The following POTEF variants were observed in gnomAD, a reference collection of about 807,000 sequenced individuals.
POTEF encodes the protein ANKRD26-like family C member 1B.
Under a neutral mutation model 83.2 loss-of-function variants are expected in POTEF, and 20 were observed. The ratio of observed to expected loss-of-function variants is 0.24; its 90% CI spans 0.17 to 0.35. The LOEUF (loss-of-function observed/expected upper bound fraction) is 0.35, where lower values mean the gene tolerates loss of function less well. Ranked by LOEUF, POTEF falls within the 10% of genes least tolerant of loss-of-function variation. POTEF has a pLI of 1.00. For missense variants in POTEF, 550 were observed against 1,203.2 expected (o/e 0.46, Z 8.03); for synonymous variants, 196 against 446.4 (o/e 0.44, Z 7.07).
rs560000983 is a variant in POTEF at position 130,103,252 on chromosome 2, AC to A, written c.1127-1073del. On this transcript the variant is annotated intron_variant, in intron 8 of 16. Coordinates refer to ENST00000409914, the MANE Select transcript of POTEF (RefSeq NM_001099771.2). ...GGAGAAGCTGGGATTACAGGCATGT[AC>A]CATCATGCCCAGCTAATTTTCGTGT... Among the ~76,000 whole-genome samples, 7 of 149,726 alleles carry A rather than the reference AC, an allele frequency of 4.7e-5. No individual in the cohort carries two copies. In the South Asian group the frequency reaches 1.3e-3, roughly 27 times the overall value.
At chr2:130,105,707 C>A (rs1684506228) in intron 8 of POTEF, among the ~76,000 whole-genome samples, 1 of 148,098 alleles carries the variant, frequency 6.8e-6, no homozygotes, top group Non-Finnish European at 1.5e-5. Context: ...AGCTTGCTAA[C>A]CCGTTTTACA....
In POTEF at chr2:130,075,562, C is replaced by T; in HGVS notation, c.1910G>A (p.Ser637Asn). Reference protein sequence around the residue: ...VEKMNSELSLSCKKEKDILHE... With the variant: ...VEKMNSELSLNCKKEKDILHE... ...CAAGATGTCTTTTTCTTTCTTACAA[C>T]TAAGAGAAAGCTAAGTAAACAAAGA... is the stretch of plus-strand genomic sequence containing the variant. Residue 637 changes from serine to asparagine, a missense_variant, in exon 17 of 17, where the codon AGT becomes AAT. Transcript: ENST00000409914. 1 of 1,609,902 alleles carries T rather than the reference C, an allele frequency of 6.2e-7. No homozygotes were observed. Among genetic ancestry groups the T allele is most frequent in the South Asian group, 1.1e-5 (1 of 90,752 alleles).
chr2:130,077,373 A>C (rs1292651939), intron 15 of POTEF, among the ~76,000 whole-genome samples, 172 bp from the exon 16 acceptor site: 4 of 152,246 alleles, frequency 2.6e-5, no homozygotes, highest in Non-Finnish European at 5.9e-5. Context: ...TGCTGGCACC[A>C]GGGACTGCTT....
Position 130,075,546 on chromosome 2 carries a change from T to C in POTEF, c.1926A>G (p.Lys642=), listed in dbSNP as rs746187882. Residue 642 remains lysine, a synonymous_variant, in exon 17 of 17, where the codon AAA becomes AAG. Transcript: ENST00000409914. The part of the protein sequence containing the change: ...SELSLSCKKE[K]DILHENSTLR... ...ACGTACTATTTTCATGCAAGATGTC[T>C]TTTTCTTTCTTACAACTAAGAGAAA... 14 of 1,610,578 alleles carry C rather than the reference T, an allele frequency of 8.7e-6. No homozygotes were observed. The East Asian group carries it at 1.8e-4, about 21-fold the overall frequency.
chr2:130,103,211 T>C (rs1684421943), intron 8 of POTEF, among the ~76,000 whole-genome samples: 5 of 148,734 alleles, frequency 3.4e-5, no homozygotes, highest in Admixed American at 3.3e-4. Flanking sequence ...CAAGCGATTC[T>C]CCTGTCTCAG....
chr2:130,074,984 G>A lies in POTEF; in HGVS notation c.2488C>T (p.Pro830Ser), dbSNP rs753030408. The A allele has an allele frequency of 8.1e-6, 13 of 1,612,872 alleles. No homozygotes were observed. The Admixed American group carries it at 2.2e-4, about 27-fold the overall frequency. The change falls in exon 17 of 17, where the codon CCA (proline) becomes TCA (serine). Residue 830 changes from proline to serine, a missense_variant. Coordinates refer to ENST00000409914, the MANE Select transcript of POTEF (RefSeq NM_001099771.2). ...GCCTGGATGGCCACGTACATGGCTG[G>A]GGTGTTGAAGGTCTCAAACATGATC... ...TQIMFETFNT[P>S]AMYVAIQAVL...
rs1683744906 is a variant in POTEF, at chr2:130,075,052, T to G, written c.2420A>C (p.Glu807Ala). 6.2e-7 allele frequency: 1 copy of G among 1,613,674 alleles called. No homozygotes were observed. The highest frequency in any genetic ancestry group is 1.7e-5 in the Admixed American group (1 of 59,954). The change falls in exon 17 of 17, where the codon GAG (glutamate) becomes GCG (alanine). Residue 807 changes from glutamate (E) to alanine (A), a missense_variant. Glu to Ala is a moderately radical substitution (Grantham distance 107, BLOSUM62 -1). Transcript: ENST00000409914. ...GTTGGCCTTAGGGTTCAGGGTGGCC[T>G]CGGTCAGCAGGACGGGGTGCTCCTC... Reference protein sequence around the residue: ...APEEHPVLLTEATLNPKANRE... With the variant: ...APEEHPVLLTAATLNPKANRE...
chr2:130,077,386 G>C lies in POTEF; in HGVS notation c.1779-185C>G, dbSNP rs1245179279. Among the ~76,000 whole-genome samples the C allele has an allele frequency of 5.3e-5, 8 of 152,256 alleles. No individual in the cohort carries two copies. In the East Asian group the frequency reaches 7.7e-4, roughly 15 times the overall value. The stretch of plus-strand genomic sequence containing the variant: ...CATGCTGGCACCAGGGACTGCTTTT[G>C]TGGAAGATAATTTTTCCAGGAACCT... On this transcript the variant is annotated intron_variant, in intron 15 of 16. Coordinates refer to ENST00000409914, the MANE Select transcript of POTEF (RefSeq NM_001099771.2).
chr2:130,107,244 G>C (rs1214748383), intron 8 of POTEF, among the ~76,000 whole-genome samples: 2 of 149,672 alleles, frequency 1.3e-5, no homozygotes, highest in Admixed American at 6.6e-5. Context: ...TTACTGTTAT[G>C]ATGACAATTA....
At chr2:130,087,650 T>C (rs1684041465) in intron 13 of POTEF, among the ~76,000 whole-genome samples, 1 of 136,678 alleles carries the variant, frequency 7.3e-6, no homozygotes, top group Non-Finnish European at 1.6e-5. Context: ...TTTTTTTTTT[T>C]TCACATGGAG....
At chr2:130,103,386 A>G (rs1276889374) in intron 8 of POTEF, among the ~76,000 whole-genome samples, 1 of 150,780 alleles carries the variant, frequency 6.6e-6, no homozygotes, top group African/African-American at 2.5e-5. Flanking sequence ...GGTGTGAGCC[A>G]CCACACTTGT....
intron 3 of POTEF, among the ~76,000 whole-genome samples, chr2:130,116,281 G>A (rs1684842351): frequency 2.0e-5 from 3 of 151,090 alleles, no homozygotes; most frequent in Admixed American, 2.0e-4. Context: ...ATTCATATTA[G>A]GATTTAAGAC....
intron 9 of POTEF, 94 bp from the exon 10 acceptor site, chr2:130,100,814 A>G: frequency 6.7e-7 from 1 of 1,486,590 alleles, no homozygotes; most frequent in African/African-American, 1.5e-5. Flanking sequence ...TTTATTCTTA[A>G]CTAATCAAGT....
chr2:130,119,439 C>T (rs946470244), intron 3 of POTEF, among the ~76,000 whole-genome samples: 4 of 151,826 alleles, frequency 2.6e-5, no homozygotes, highest in African/African-American at 9.7e-5. Context: ...GGATTACAGG[C>T]GTGAGCCACC....
chr2:130,103,318 CCTGAT>C, intron 8 of POTEF, among the ~76,000 whole-genome samples: 1 of 150,374 alleles, frequency 6.7e-6, no homozygotes, highest in Admixed American at 6.6e-5. Context: ...CCATGATGGT[CCTGAT>C]CTTTTGACCT....
intron 3 of POTEF, among the ~76,000 whole-genome samples, chr2:130,118,500 G>A (rs913703585): frequency 2.6e-5 from 4 of 151,686 alleles, no homozygotes; most frequent in Non-Finnish European, 5.9e-5. Context: ...TTCAAGACCT[G>A]CCTGGCCAAG....
chr2:130,121,211 T>G (rs1344583816), intron 2 of POTEF, among the ~76,000 whole-genome samples: 1 of 149,510 alleles, frequency 6.7e-6, no homozygotes, highest in Non-Finnish European at 1.5e-5. Context: ...CGCGCCTGCT[T>G]AAGTCTTGGC....
At chr2:130,107,877 A>T in intron 8 of POTEF, 132 bp downstream of exon 8, 1 of 763,810 alleles carries the variant, frequency 1.3e-6, no homozygotes, top group Non-Finnish European at 2.1e-6. Context: ...TAAATGTAAC[A>T]TGATTGAATA....
intron 3 of POTEF, among the ~76,000 whole-genome samples, chr2:130,118,999 A>G (rs1299745016): frequency 6.6e-6 from 1 of 151,786 alleles, no homozygotes; most frequent in East Asian, 1.9e-4. Context: ...TTGTGGAAAT[A>G]AATAACATGC....
Sources: allele counts gnomAD v4.1 joint callset (sites outside exome capture counted in the v4.1 genomes callset), GRCh38; gene constraint gnomAD v4.1.1; transcripts MANE v1.5; gene names NCBI Gene and HGNC (gene_info 2026-07-23, HGNC 2026-07-21).